The following HMGA2 variants were observed in gnomAD, a reference collection of about 807,000 sequenced individuals.
HMGA2 encodes the protein high mobility group protein HMGI-C.
HMGA2 carries 8 observed loss-of-function variants against 19.1 expected under a neutral mutation model. The observed-to-expected ratio is 0.42, with a 90% CI of 0.25 to 0.76. HMGA2 has a LOEUF of 0.76. Ranked by LOEUF, HMGA2 falls within the 30% of genes least tolerant of loss-of-function variation. The probability of loss-of-function intolerance (pLI) is 0.28; values close to 1 mark genes in which losing one functional copy is unlikely to be tolerated. For missense variants in HMGA2, 109 were observed against 136.3 expected (o/e 0.80, Z 1.00); for synonymous variants, 60 against 48.8 (o/e 1.23, Z -0.96).
intron 2 of HMGA2, among the ~76,000 whole-genome samples, chr12:65,835,754 A>G (rs1474509198): frequency 2.6e-5 from 4 of 152,312 alleles, no homozygotes; most frequent in African/African-American, 9.6e-5. Flanking sequence ...AGATCACATC[A>G]TGGCCCCTGA....
At position 65,881,527 on chromosome 12, in the gene HMGA2, C is replaced by T. The variant is rs1873386514; in HGVS notation, c.249+42958C>T. The T allele has an allele frequency of 5.2e-5, 30 of 581,366 alleles. No individual in the cohort carries two copies. The East Asian group carries it at 8.3e-4, about 16-fold the overall frequency. 36.0% of individuals were successfully genotyped at this position (581,366 alleles called of 1,614,324 possible). On this transcript the variant is annotated intron_variant, in intron 3 of 4. Transcript: ENST00000403681. Reference sequence around the variant, plus strand: ...CAGAACAAAACAAAACAAAAAACCACTCCAACAAATCCTCCTGTGTGCTAC... The same window carrying T: ...CAGAACAAAACAAAACAAAAAACCATTCCAACAAATCCTCCTGTGTGCTAC...
chr12:65,840,001 A>G (rs1005400989), intron 3 of HMGA2, among the ~76,000 whole-genome samples: 1 of 152,216 alleles, frequency 6.6e-6, no homozygotes, highest in African/African-American at 2.4e-5. Context: ...GTTTGTATGT[A>G]TCTGTGTTTG....
intron 3 of HMGA2, among the ~76,000 whole-genome samples, chr12:65,920,730 C>T (rs868762828): frequency 5.3e-5 from 8 of 152,230 alleles, no homozygotes; most frequent in Admixed American, 2.6e-4. Flanking sequence ...TCTGGGGCCT[C>T]CCAAGCCATG....
chr12:65,851,717 A>G (rs1471160161), intron 3 of HMGA2: 2 of 390,380 alleles, frequency 5.1e-6, no homozygotes, highest in Non-Finnish European at 1.0e-5. Flanking sequence ...ATATGTTGTC[A>G]GCTTTCCATT....
chr12:65,835,330 A>G (rs1592374585), intron 2 of HMGA2, among the ~76,000 whole-genome samples: 1 of 152,340 alleles, frequency 6.6e-6, no homozygotes, highest in East Asian at 1.9e-4. Context: ...TTTACAAACT[A>G]AAACCCTAAC....
chr12:65,959,313 T>TC (rs2121326204), intron 4 of HMGA2, among the ~76,000 whole-genome samples: 1 of 152,360 alleles, frequency 6.6e-6, no homozygotes, highest in Non-Finnish European at 1.5e-5. Context: ...GGAGTTTTTT[T>TC]CCAAACTTAG....
intron 3 of HMGA2, among the ~76,000 whole-genome samples, chr12:65,942,196 A>G (rs1876112011): frequency 6.6e-6 from 1 of 152,200 alleles, no homozygotes; most frequent in Non-Finnish European, 1.5e-5. Context: ...TGGAGTTAAC[A>G]TTAGCTAAAG....
chr12:65,923,422 C>G (rs2121246479), intron 3 of HMGA2, among the ~76,000 whole-genome samples: 1 of 152,300 alleles, frequency 6.6e-6, no homozygotes, highest in Middle Eastern at 3.4e-3. Context: ...ACTCACCACC[C>G]ACTAGGGGCT....
At chr12:65,891,252 TTC>T (rs1873899075) in intron 3 of HMGA2, among the ~76,000 whole-genome samples, 1 of 152,204 alleles carries the variant, frequency 6.6e-6, no homozygotes, top group African/African-American at 2.4e-5. Flanking sequence ...CATGATCCAT[TTC>T]TGTTTCTTAG....
At chr12:65,847,746 G>C (rs773778426) in intron 3 of HMGA2, among the ~76,000 whole-genome samples, 1 of 152,156 alleles carries the variant, frequency 6.6e-6, no homozygotes, top group Non-Finnish European at 1.5e-5. Flanking sequence ...ACTTTATTCA[G>C]CATGTGTCAA....
At chr12:65,923,137 C>G (rs563294877) in intron 3 of HMGA2, among the ~76,000 whole-genome samples, 3 of 152,260 alleles carry the variant, frequency 2.0e-5, no homozygotes, top group African/African-American at 7.2e-5. Context: ...CTGCTCATCC[C>G]CACCAATTGT....
chr12:65,864,680 A>G (rs1333476943), intron 3 of HMGA2, among the ~76,000 whole-genome samples: 1 of 152,186 alleles, frequency 6.6e-6, no homozygotes, highest in Non-Finnish European at 1.5e-5. Flanking sequence ...ACACACTACA[A>G]ATGATTTTAT....
chr12:65,923,051 G>A (rs1446093524), intron 3 of HMGA2, among the ~76,000 whole-genome samples: 1 of 152,038 alleles, frequency 6.6e-6, no homozygotes, highest in Non-Finnish European at 1.5e-5. Flanking sequence ...GCATGAAAAT[G>A]GACTAATACA....
intron 3 of HMGA2, among the ~76,000 whole-genome samples, chr12:65,893,608 C>A (rs938719706): frequency 5.9e-5 from 9 of 152,180 alleles, no homozygotes; most frequent in Non-Finnish European, 1.3e-4. Context: ...CTGGTGAGAA[C>A]CCTCTTGTGT....
intron 3 of HMGA2, among the ~76,000 whole-genome samples, chr12:65,907,032 C>A (rs1296140618): frequency 6.6e-6 from 1 of 152,106 alleles, no homozygotes; most frequent in African/African-American, 2.4e-5. Flanking sequence ...TAGCATTTGA[C>A]TCCAAAGGTG....
intron 3 of HMGA2, among the ~76,000 whole-genome samples, chr12:65,949,088 C>T (rs11175978): frequency 0.012 from 1,798 of 152,192 alleles, 42 homozygotes; most frequent in East Asian, 0.088. Context: ...TATTAGCCCA[C>T]GCTTTTGTGT....
intron 3 of HMGA2, among the ~76,000 whole-genome samples, chr12:65,862,790 T>C (rs1241832091): frequency 1.3e-5 from 2 of 152,186 alleles, no homozygotes; most frequent in African/African-American, 4.8e-5. Context: ...GCCATGGCTG[T>C]GGATAAAGAT....
chr12:65,902,549 TG>T (rs777711236), intron 3 of HMGA2, among the ~76,000 whole-genome samples: 14 of 152,190 alleles, frequency 9.2e-5, no homozygotes, highest in Non-Finnish European at 1.9e-4. Flanking sequence ...TTTAAATTAC[TG>T]GACACACACT....
chr12:65,827,792 T>C (rs1256802278), intron 1 of HMGA2, among the ~76,000 whole-genome samples: 2 of 152,212 alleles, frequency 1.3e-5, no homozygotes, highest in African/African-American at 4.8e-5. Context: ...ATATACAAAA[T>C]AGAGTTTCCT....
Sources: allele counts gnomAD v4.1 joint callset (sites outside exome capture counted in the v4.1 genomes callset), GRCh38; gene constraint gnomAD v4.1.1; transcripts MANE v1.5; gene names NCBI Gene and HGNC (gene_info 2026-07-23, HGNC 2026-07-21).